LRRK2: variants seen among roughly 807,000 people sequenced by gnomAD.
LRRK2 encodes the protein leucine-rich repeat serine/threonine-protein kinase 2.
Under a neutral mutation model 302.6 loss-of-function variants are expected in LRRK2, and 203 were observed. That is an observed-to-expected ratio of 0.67 (90% confidence interval 0.60 to 0.75). The LOEUF (loss-of-function observed/expected upper bound fraction) is 0.75. Among genes scored for constraint, LRRK2 ranks in the 30% least tolerant of loss-of-function variants. LRRK2 has a pLI of 0.00. For missense variants in LRRK2, 2,830 were observed against 2,951.0 expected (o/e 0.96, Z 0.95); for synonymous variants, 1,066 against 1,031.9 (o/e 1.03, Z -0.63).
chr12:40,246,556 A>G (rs73106349), intron 7 of LRRK2, among the ~76,000 whole-genome samples: 3,852 of 152,176 alleles, frequency 0.025, 164 homozygotes, highest in African/African-American at 0.085. Flanking sequence ...GGGAGTCTAA[A>G]CCAACTGCTT....
At chr12:40,365,386 T>C (rs1171002930) in intron 49 of LRRK2, 1 of 223,838 alleles carries the variant, frequency 4.5e-6, no homozygotes, top group African/African-American at 2.3e-5. Context: ...AGAAAATGTT[T>C]GTTTTAATCA....
chr12:40,238,539 T>A (rs1277427659), intron 5 of LRRK2, among the ~76,000 whole-genome samples: 1 of 152,200 alleles, frequency 6.6e-6, no homozygotes, highest in Non-Finnish European at 1.5e-5. Context: ...TTTCATAGCC[T>A]GGCCCTGAGA....
chr12:40,322,316 T>C lies in LRRK2; in HGVS notation c.5318-3T>C. 6.2e-7 allele frequency: 1 copy of C among 1,613,610 alleles called. No homozygotes were observed. Among genetic ancestry groups the C allele is most frequent in the South Asian group, 1.1e-5 (1 of 91,074 alleles). Reference sequence around the variant, plus strand: ...GTGTTGAGCTCTGTTTTGAATCATGTAGGCTGTATTCTTTTGGGCCAAGTT... The same window carrying C: ...GTGTTGAGCTCTGTTTTGAATCATGCAGGCTGTATTCTTTTGGGCCAAGTT... On this transcript the variant is annotated splice_region_variant and splice_polypyrimidine_tract_variant and intron_variant, in intron 36 of 50. Coordinates refer to ENST00000298910, the MANE Select transcript of LRRK2 (RefSeq NM_198578.4).
chr12:40,329,433 T>C (rs911207023), intron 39 of LRRK2, among the ~76,000 whole-genome samples: 2 of 152,186 alleles, frequency 1.3e-5, no homozygotes, highest in Non-Finnish European at 2.9e-5. Flanking sequence ...TATTTTTATG[T>C]AGTGAAAGTT....
chr12:40,278,870 A>T (rs188294087), intron 18 of LRRK2, among the ~76,000 whole-genome samples: 3 of 152,216 alleles, frequency 2.0e-5, no homozygotes, highest in Admixed American at 1.3e-4. Flanking sequence ...CATACCTCCA[A>T]ACCTCCAAAC....
chr12:40,349,764 G>A (rs779892355), intron 43 of LRRK2, among the ~76,000 whole-genome samples: 6 of 152,108 alleles, frequency 3.9e-5, no homozygotes, highest in East Asian at 1.9e-4. Context: ...CAATCCTCCC[G>A]CCTAGGCCTC....
intron 44 of LRRK2, among the ~76,000 whole-genome samples, chr12:40,353,106 T>C (rs570555907): frequency 3.4e-5 from 5 of 145,506 alleles, no homozygotes; most frequent in African/African-American, 5.2e-5. Flanking sequence ...ACCTCCCGGA[T>C]GGGGTGGCTG....
In LRRK2 at chr12:40,251,479, G is replaced by GGCA; in HGVS notation, c.1117_1119dup (p.Ala373dup). The GGCA allele has an allele frequency of 6.2e-7, 1 of 1,611,950 alleles. No homozygotes were observed. The highest frequency in any genetic ancestry group is 8.5e-7 in the Non-Finnish European group (1 of 1,178,852). Reference sequence around the variant, plus strand: ...CCCTAATCCAGGAGGCCGCATGCTGGGCACTAAATAATCTCCTTATGTACC... The same window carrying GGCA: ...CCCTAATCCAGGAGGCCGCATGCTGGGCAGCACTAAATAATCTCCTTATGTACC... On this transcript the variant is annotated inframe_insertion, in exon 10 of 51. Coordinates refer to ENST00000298910, the MANE Select transcript of LRRK2 (RefSeq NM_198578.4).
chr12:40,340,509 C>T (rs1370425272), intron 41 of LRRK2, 55 bp downstream of exon 41: 1 of 1,574,516 alleles, frequency 6.4e-7, no homozygotes, highest in African/African-American at 1.3e-5. Flanking sequence ...AACCACTGAC[C>T]TCAGATGTGA....
rs760009889 is a variant in LRRK2, at chr12:40,278,160, G to A, written c.2140G>A (p.Glu714Lys). ...TGATTACTTAAAAAATGTGATGCTA[G>A]AGAGAGCGTGTGATCAGAATAACAG... Reference protein sequence around the residue: ...MDDYLKNVMLERACDQNNSIM... With the variant: ...MDDYLKNVMLKRACDQNNSIM... Residue 714 changes from glutamate to lysine, a missense_variant, in exon 18 of 51, where the codon GAG (glutamate) becomes AAG (lysine). Transcript: ENST00000298910. The A allele has an allele frequency of 6.2e-7, 1 of 1,614,114 alleles. No individual in the cohort carries two copies. Among genetic ancestry groups the A allele is most frequent in the Non-Finnish European group, 8.5e-7 (1 of 1,180,010 alleles).
chr12:40,291,462 C>G (rs1204387813), intron 20 of LRRK2, among the ~76,000 whole-genome samples: 1 of 146,802 alleles, frequency 6.8e-6, no homozygotes, highest in Non-Finnish European at 1.5e-5. Context: ...ATTTAATTTC[C>G]TTTGTGACTT....
chr12:40,287,316 G>T, intron 19 of LRRK2, 35 bp from the exon 20 acceptor site: 1 of 1,584,922 alleles, frequency 6.3e-7, no homozygotes, highest in Non-Finnish European at 8.6e-7. Context: ...CATAATTGTT[G>T]ATTTCTAAGT....
At chr12:40,322,225 A>C in intron 36 of LRRK2, 44 bp downstream of exon 36, 2 of 1,582,188 alleles carry the variant, frequency 1.3e-6, no homozygotes, top group Non-Finnish European at 1.7e-6. Flanking sequence ...ACACTAAAGA[A>C]ATTTAAACTT....
At chr12:40,364,321 G>A (rs186917574) in intron 48 of LRRK2, among the ~76,000 whole-genome samples, 1 of 151,912 alleles carries the variant, frequency 6.6e-6, no homozygotes, top group Non-Finnish European at 1.5e-5. Flanking sequence ...TTGATAAAGG[G>A]TTCCTTACTT....
chr12:40,238,651 A>C (rs1941580837), intron 5 of LRRK2, among the ~76,000 whole-genome samples: 1 of 152,194 alleles, frequency 6.6e-6, no homozygotes, highest in Non-Finnish European at 1.5e-5. Context: ...TGAAGTGAGC[A>C]TCCTGCCTGA....
intron 13 of LRRK2, among the ~76,000 whole-genome samples, chr12:40,260,376 G>A (rs1027756837): frequency 6.6e-6 from 1 of 151,650 alleles, no homozygotes; most frequent in Non-Finnish European, 1.5e-5. Context: ...CAAAGGAGTA[G>A]GACAGAGATT....
intron 20 of LRRK2, 29 bp downstream of exon 20, chr12:40,287,568 G>A: frequency 6.2e-7 from 1 of 1,602,544 alleles, no homozygotes; most frequent in Non-Finnish European, 8.5e-7. Flanking sequence ...AACCCTTTAT[G>A]CTTTATATTT....
At chr12:40,301,921 G>A (rs184703576) in intron 25 of LRRK2, among the ~76,000 whole-genome samples, 76 of 152,294 alleles carry the variant, frequency 5.0e-4, no homozygotes, top group Middle Eastern at 3.4e-3. Context: ...GCTCATGCCT[G>A]TAATCCCAGC....
intron 14 of LRRK2, among the ~76,000 whole-genome samples, chr12:40,273,889 G>T (rs529115422): frequency 1.3e-5 from 2 of 152,172 alleles, no homozygotes; most frequent in African/African-American, 4.8e-5. Flanking sequence ...GTGACCTCTA[G>T]TAAAATACCT....
Sources: gnomAD v4.1 joint callset for allele counts (sites outside exome capture counted in the v4.1 genomes callset) on GRCh38, gnomAD v4.1.1 for gene constraint, MANE v1.5 for transcripts, NCBI Gene and HGNC (gene_info 2026-07-23, HGNC 2026-07-21) for gene names.